Variants in TENM4 observed in about 807,000 individuals in gnomAD.
TENM4 encodes the protein teneurin-4.
In TENM4, 82 loss-of-function variants were observed where a neutral mutation model predicts 243.3. The ratio of observed to expected loss-of-function variants is 0.34; its 90% CI spans 0.28 to 0.40. TENM4 has a LOEUF of 0.40. TENM4 is among the 10% of genes least tolerant of loss of function. The pLI, the probability that TENM4 is intolerant of heterozygous loss-of-function variation, is 1.00. For missense variants in TENM4, 3,138 were observed against 3,673.3 expected, an observed-to-expected ratio of 0.85 and a Z score of 3.77; for synonymous variants, 1,412 against 1,456.3, an observed-to-expected ratio of 0.97 and a Z score of 0.69.
chr11:79,341,201 A>T (rs1857236105), intron 1 of TENM4, among the ~76,000 whole-genome samples: 1 of 152,214 alleles, frequency 6.6e-6, no homozygotes, highest in South Asian at 2.1e-4. Context: ...GATCTCAGGA[A>T]CTATAAGAGA....
intron 3 of TENM4, among the ~76,000 whole-genome samples, chr11:79,163,798 C>CAT (rs59230413): frequency 0.59 from 85,684 of 144,660 alleles, 25,635 homozygotes; most frequent in Non-Finnish European, 0.64. Context: ...TATACACACA[C>CAT]ATATATATAC....
chr11:78,934,672 C>T (rs1165327252), intron 6 of TENM4, among the ~76,000 whole-genome samples: 1 of 152,284 alleles, frequency 6.6e-6, no homozygotes, highest in Middle Eastern at 3.4e-3. Context: ...TTCAGGGATT[C>T]AGCCATTACC....
chr11:79,219,745 G>C (rs531158398), intron 2 of TENM4, among the ~76,000 whole-genome samples: 1 of 152,144 alleles, frequency 6.6e-6, no homozygotes, highest in African/African-American at 2.4e-5. Flanking sequence ...TTCTCCCAGT[G>C]CATCTCCTGG....
chr11:78,708,347 T>C lies in TENM4; in HGVS notation c.4209+14A>G. ...TGGGCAGTCCCAGGGCTTTGGTAGA[T>C]GAAGCCATCTTACCTGGGAAATATC... On this transcript the variant is annotated intron_variant, in intron 27 of 33. Transcript: ENST00000278550. 1 of 1,613,764 alleles carries C rather than the reference T, an allele frequency of 6.2e-7. No homozygotes were observed. Among genetic ancestry groups the C allele is most frequent in the African/African-American group, 1.3e-5 (1 of 75,058 alleles).
At chr11:79,205,179 G>A (rs949778942) in intron 3 of TENM4, among the ~76,000 whole-genome samples, 4 of 151,898 alleles carry the variant, frequency 2.6e-5, no homozygotes, top group African/African-American at 9.7e-5. Flanking sequence ...GATAATTAAG[G>A]GTTCACATGC....
intron 1 of TENM4, among the ~76,000 whole-genome samples, chr11:79,322,467 G>A (rs1856907503): frequency 6.6e-6 from 1 of 152,110 alleles, no homozygotes; most frequent in Admixed American, 6.5e-5. Context: ...CACCTCGTAG[G>A]CTCCTTTAGT....
At chr11:79,196,294 C>T (rs1054894144) in intron 3 of TENM4, among the ~76,000 whole-genome samples, 2 of 151,842 alleles carry the variant, frequency 1.3e-5, no homozygotes, top group African/African-American at 4.8e-5. Flanking sequence ...GAGTCCAGGC[C>T]CTGCTGCTCC....
intron 2 of TENM4, among the ~76,000 whole-genome samples, chr11:79,283,756 C>T (rs114358744): frequency 0.038 from 5,749 of 151,962 alleles, 147 homozygotes; most frequent in African/African-American, 0.07. Context: ...ATTGGAGAAA[C>T]GAAGAAATAA....
intron 6 of TENM4, among the ~76,000 whole-genome samples, chr11:79,028,213 G>A (rs373300839): frequency 2.6e-5 from 4 of 152,186 alleles, no homozygotes; most frequent in African/African-American, 7.2e-5. Context: ...TGAAAACACT[G>A]TAAGAGCCCA....
chr11:79,059,207 T>G (rs1860024301), intron 6 of TENM4, among the ~76,000 whole-genome samples: 1 of 152,204 alleles, frequency 6.6e-6, no homozygotes, highest in African/African-American at 2.4e-5. Flanking sequence ...AAAGTAGGTT[T>G]CTTAATTTGC....
At chr11:78,718,999 T>C (rs1385136750) in intron 25 of TENM4, among the ~76,000 whole-genome samples, 1 of 152,150 alleles carries the variant, frequency 6.6e-6, no homozygotes, top group Non-Finnish European at 1.5e-5. Context: ...ATAATTATCA[T>C]ATAATAATAA....
At chr11:78,901,922 A>C (rs1277393948) in intron 7 of TENM4, among the ~76,000 whole-genome samples, 1 of 152,200 alleles carries the variant, frequency 6.6e-6, no homozygotes, top group Non-Finnish European at 1.5e-5. Flanking sequence ...AAGTGGTACA[A>C]ACAATGTTCA....
At chr11:78,970,876 G>A (rs2136574033) in intron 6 of TENM4, among the ~76,000 whole-genome samples, 1 of 152,212 alleles carries the variant, frequency 6.6e-6, no homozygotes, top group South Asian at 2.1e-4. Context: ...CAGGAAAAAA[G>A]ATTGGTTAAA....
chr11:78,899,263 T>C lies in TENM4; in HGVS notation c.749+4005A>G, dbSNP rs185955108. Among the ~76,000 whole-genome samples, 417 of 152,204 alleles carry C rather than the reference T, an allele frequency of 2.7e-3. 10 individuals carry two copies. The highest frequency in any genetic ancestry group is 0.024 in the Admixed American group (366 of 15,292). On this transcript the variant is annotated intron_variant, in intron 7 of 33. Coordinates refer to ENST00000278550, the MANE Select transcript of TENM4 (RefSeq NM_001098816.3). ...AGGCCCTTAGAGGGAGAGGATGCTA[T>C]AGTTTGGATGTTTGTCCCCCCAAAG...
chr11:79,234,104 G>A (rs1864421033), intron 2 of TENM4, among the ~76,000 whole-genome samples: 1 of 152,186 alleles, frequency 6.6e-6, no homozygotes, highest in Non-Finnish European at 1.5e-5. Context: ...TCATTTCTCT[G>A]AGACTTGTTT....
At position 78,835,441 on chromosome 11, in the gene TENM4, G is replaced by C. The variant is rs950759220; in HGVS notation, c.1681+18663C>G. On this transcript the variant is annotated intron_variant, in intron 12 of 33. Transcript: ENST00000278550. ...GAATCACTTGAACTGGGGAGGCAGA[G>C]GTTGCAGTGAGCTGGGATTGTGCCA... is the stretch of plus-strand genomic sequence containing the variant. Among the ~76,000 whole-genome samples the C allele has an allele frequency of 5.3e-5, 8 of 152,348 alleles. No homozygotes were observed. In the South Asian group the frequency reaches 1.0e-3, roughly 20 times the overall value.
intron 29 of TENM4, among the ~76,000 whole-genome samples, chr11:78,677,076 TTATAAATA>T (rs1208437645): frequency 1.3e-5 from 2 of 152,322 alleles, no homozygotes; most frequent in East Asian, 3.9e-4. Context: ...TTGCACAGCT[TTATAAATA>T]TACTAAAAGC....
At chr11:79,415,417 T>C (rs1196396251) in intron 1 of TENM4, among the ~76,000 whole-genome samples, 1 of 152,216 alleles carries the variant, frequency 6.6e-6, no homozygotes, top group African/African-American at 2.4e-5. Flanking sequence ...TAATAAATAA[T>C]GCTATCATTA....
rs533346839 is a variant in TENM4 at position 79,155,804 on chromosome 11, G to A, written c.-162-6998C>T. On this transcript the variant is annotated intron_variant, in intron 3 of 33. Transcript: ENST00000278550. ...CTCATTCCCACTCTAAGAGTATCCT[G>A]GCCTAGGCTTTCTCCCTGAGATCTG... Among the ~76,000 whole-genome samples the A allele has an allele frequency of 8.2e-5, 12 of 147,164 alleles. No homozygotes were observed. The East Asian group carries it at 2.4e-3, about 30-fold the overall frequency.
Sources: gnomAD v4.1 joint callset for allele counts (sites outside exome capture counted in the v4.1 genomes callset) on GRCh38, gnomAD v4.1.1 for gene constraint, MANE v1.5 for transcripts, NCBI Gene and HGNC (gene_info 2026-07-23, HGNC 2026-07-21) for gene names.